SGCZ: variants seen among roughly 807,000 people sequenced by gnomAD.
The protein encoded by SGCZ is zeta-sarcoglycan.
SGCZ carries 40 observed loss-of-function variants against 41.3 expected under a neutral mutation model. The ratio of observed to expected loss-of-function variants is 0.97; its 90% CI spans 0.75 to 1.26. The LOEUF is 1.26. Among genes scored for constraint, SGCZ ranks in the 50% most tolerant of loss-of-function variants. SGCZ has a pLI of 0.00. For synonymous variants in SGCZ, 206 were observed against 137.5 expected, an observed-to-expected ratio of 1.50 and a Z score of -3.49; for missense variants, 552 against 369.8, an observed-to-expected ratio of 1.49 and a Z score of -4.04.
At chr8:15,070,084 T>A (rs1214699683) in intron 1 of SGCZ, among the ~76,000 whole-genome samples, 1 of 152,168 alleles carries the variant, frequency 6.6e-6, no homozygotes. Context: ...GTGTGAAACA[T>A]TTTCCTTCTT....
intron 5 of SGCZ, among the ~76,000 whole-genome samples, chr8:14,127,865 C>A (rs1802913996): frequency 6.6e-6 from 1 of 152,086 alleles, no homozygotes; most frequent in Non-Finnish European, 1.5e-5. Flanking sequence ...TTTCATCACC[C>A]AGGTATTAAG....
chr8:15,039,959 A>G (rs1804025964), intron 1 of SGCZ, among the ~76,000 whole-genome samples: 1 of 152,214 alleles, frequency 6.6e-6, no homozygotes, highest in African/African-American at 2.4e-5. Flanking sequence ...GGAATTTATT[A>G]TAACTTATGC....
chr8:14,132,319 C>T (rs1300215436), intron 5 of SGCZ, among the ~76,000 whole-genome samples: 1 of 152,124 alleles, frequency 6.6e-6, no homozygotes, highest in Non-Finnish European at 1.5e-5. Context: ...GTTTATTCCT[C>T]TTAAATAGGT....
At chr8:14,842,685 T>C (rs1802965812) in intron 1 of SGCZ, among the ~76,000 whole-genome samples, 2 of 152,174 alleles carry the variant, frequency 1.3e-5, no homozygotes, top group South Asian at 4.1e-4. Flanking sequence ...TAACAGAAAC[T>C]TTTGAAATGC....
chr8:14,473,319 A>G (rs1468408938), intron 2 of SGCZ, among the ~76,000 whole-genome samples: 2 of 152,164 alleles, frequency 1.3e-5, no homozygotes, highest in African/African-American at 4.8e-5. Context: ...TAAGAATAAG[A>G]AAAGCTTTCT....
At chr8:14,290,912 C>G (rs1391533891) in intron 3 of SGCZ, among the ~76,000 whole-genome samples, 1 of 152,122 alleles carries the variant, frequency 6.6e-6, no homozygotes, top group African/African-American at 2.4e-5. Flanking sequence ...TAACAGTATT[C>G]ACCATAGCTA....
chr8:14,598,784 C>A (rs1417509784), intron 1 of SGCZ, among the ~76,000 whole-genome samples: 1 of 152,026 alleles, frequency 6.6e-6, no homozygotes, highest in Non-Finnish European at 1.5e-5. Context: ...CTGACTTGGC[C>A]TCCCAACATG....
chr8:14,735,111 A>G (rs1289900155), intron 1 of SGCZ, among the ~76,000 whole-genome samples: 1 of 152,194 alleles, frequency 6.6e-6, no homozygotes, highest in Non-Finnish European at 1.5e-5. Context: ...ACGGTAGCAC[A>G]TAAAATTTTG....
intron 1 of SGCZ, among the ~76,000 whole-genome samples, chr8:14,789,005 C>T (rs775721628): frequency 6.6e-6 from 1 of 152,038 alleles, no homozygotes; most frequent in Non-Finnish European, 1.5e-5. Flanking sequence ...TCCTTCTGTT[C>T]GAAAACACCT....
intron 1 of SGCZ, among the ~76,000 whole-genome samples, chr8:14,698,233 G>A (rs1809029203): frequency 6.6e-6 from 1 of 151,804 alleles, no homozygotes; most frequent in Non-Finnish European, 1.5e-5. Flanking sequence ...TTGCTTTTAT[G>A]TGAAGGTATT....
At chr8:14,468,534 A>G (rs1247011431) in intron 2 of SGCZ, among the ~76,000 whole-genome samples, 2 of 152,108 alleles carry the variant, frequency 1.3e-5, no homozygotes, top group Non-Finnish European at 2.9e-5. Flanking sequence ...TCTTGAGAGC[A>G]AAGGTGGTGC....
At chr8:14,516,518 GT>G (rs1395536680) in intron 2 of SGCZ, among the ~76,000 whole-genome samples, 2 of 151,906 alleles carry the variant, frequency 1.3e-5, no homozygotes, top group Non-Finnish European at 2.9e-5. Context: ...AATAGTTACT[GT>G]TTTTTTCTAG....
At chr8:14,359,822 A>C (rs35588736) in intron 2 of SGCZ, among the ~76,000 whole-genome samples, 29,911 of 151,866 alleles carry the variant, frequency 0.2, 3,715 homozygotes, top group Non-Finnish European at 0.29. Flanking sequence ...AAAGAAAAAA[A>C]AAAAAAACAA....
intron 7 of SGCZ, among the ~76,000 whole-genome samples, chr8:14,095,697 A>G (rs1488738227): frequency 2.6e-5 from 4 of 152,146 alleles, no homozygotes; most frequent in African/African-American, 9.7e-5. Context: ...TTTGGGTAGT[A>G]TGGCCATTTT....
At chr8:14,672,364 G>C (rs909192074) in intron 1 of SGCZ, among the ~76,000 whole-genome samples, 6 of 152,244 alleles carry the variant, frequency 3.9e-5, no homozygotes, top group Non-Finnish European at 8.8e-5. Context: ...GGTCAGATGT[G>C]CGATTTTAAG....
rs190686434 is a variant in SGCZ at position 15,068,024 on chromosome 8, G to T, written c.39+169561C>A. ...ATGCAAAAGGCCATGGTACATCTTT[G>T]TGACTAAAAGTAGTTTAGAGTGGTT... On this transcript the variant is annotated intron_variant, in intron 1 of 7. Transcript: ENST00000382080. 3.9e-4 allele frequency among the ~76,000 whole-genome samples: 60 copies of T among 152,306 alleles called. 1 individual carries two copies. Among genetic ancestry groups the T allele is most frequent in the Non-Finnish European group, 7.8e-4 (53 of 68,014 alleles).
At chr8:14,372,303 T>C (rs1803942686) in intron 2 of SGCZ, among the ~76,000 whole-genome samples, 2 of 152,180 alleles carry the variant, frequency 1.3e-5, no homozygotes, top group Admixed American at 6.5e-5. Context: ...AGAATGTGTA[T>C]ACCCAACCAA....
At chr8:14,647,949 T>C (rs1172832486) in intron 1 of SGCZ, among the ~76,000 whole-genome samples, 1 of 151,980 alleles carries the variant, frequency 6.6e-6, no homozygotes, top group Admixed American at 6.6e-5. Flanking sequence ...GACAGTTCTA[T>C]TTAACCAAAC....
At position 14,830,849 on chromosome 8, in the gene SGCZ, T is replaced by A. The variant is rs190348249; in HGVS notation, c.40-275923A>T. The stretch of plus-strand genomic sequence containing the variant: ...AACGAAAACATGTTTTCTCATTTTT[T>A]AAAAAAAGTCTTTGAAAACTGGTGT... On this transcript the variant is annotated intron_variant, in intron 1 of 7. Coordinates refer to ENST00000382080, the MANE Select transcript of SGCZ (RefSeq NM_139167.4). Among the ~76,000 whole-genome samples, 22 of 152,226 alleles carry A rather than the reference T, an allele frequency of 1.4e-4. No individual in the cohort carries two copies. In the East Asian group the frequency reaches 3.7e-3, roughly 25 times the overall value.
Sources: allele counts gnomAD v4.1 joint callset (sites outside exome capture counted in the v4.1 genomes callset), GRCh38; gene constraint gnomAD v4.1.1; transcripts MANE v1.5; gene names NCBI Gene and HGNC (gene_info 2026-07-23, HGNC 2026-07-21).